KDM7A: variants seen among roughly 807,000 people sequenced by gnomAD.
The protein encoded by KDM7A is lysine demethylase 7A.
KDM7A carries 28 observed loss-of-function variants against 114.8 expected under a neutral mutation model. That is an observed-to-expected ratio of 0.24 (90% CI 0.18 to 0.33). KDM7A has a LOEUF of 0.33. KDM7A is among the 10% of genes least tolerant of loss of function. The probability of loss-of-function intolerance (pLI) is 1.00; values close to 1 mark genes in which losing one functional copy is unlikely to be tolerated. For synonymous variants in KDM7A, 423 were observed against 397.8 expected (o/e 1.06, Z -0.75); for missense variants, 942 against 1,142.5 (o/e 0.82, Z 2.53).
At chr7:140,093,011 C>T (rs1447951466) in intron 18 of KDM7A, among the ~76,000 whole-genome samples, 1 of 152,114 alleles carries the variant, frequency 6.6e-6, no homozygotes, top group African/African-American at 2.4e-5. Context: ...AAAAAACTTG[C>T]TTCTTTTTCT....
At chr7:140,116,938 C>T (rs1302065017) in intron 9 of KDM7A, among the ~76,000 whole-genome samples, 1 of 152,144 alleles carries the variant, frequency 6.6e-6, no homozygotes, top group African/African-American at 2.4e-5. Context: ...TCATTTAACC[C>T]ACCATATAAG....
intron 1 of KDM7A, among the ~76,000 whole-genome samples, chr7:140,139,960 G>A (rs1387635256): frequency 2.6e-5 from 4 of 152,172 alleles, no homozygotes; most frequent in Non-Finnish European, 5.9e-5. Flanking sequence ...TAGAGTGCCT[G>A]AATAGTCCTG....
Position 140,111,106 on chromosome 7 carries a change from GAATTACTTTAGA to G in KDM7A, c.1405_1416del (p.Ser469_Ile472del). 2 of 1,585,408 alleles carry G rather than the reference GAATTACTTTAGA, an allele frequency of 1.3e-6. No individual in the cohort carries two copies. The highest frequency in any genetic ancestry group is 1.7e-6 in the Non-Finnish European group (2 of 1,156,174). On this transcript the variant is annotated inframe_deletion, in exon 11 of 20. Transcript: ENST00000397560. ...GTTTCCACTCTTACCTCTATTGCTC[GAATTACTTTAGA>G]AAGTTCTTTAATAAGGTGTCCAGGT...
chr7:140,106,329 C>T (rs1818337862), intron 11 of KDM7A, among the ~76,000 whole-genome samples: 1 of 152,098 alleles, frequency 6.6e-6, no homozygotes, highest in African/African-American at 2.4e-5. Context: ...CTTCTGCTAG[C>T]TTTTGAATGT....
intron 2 of KDM7A, among the ~76,000 whole-genome samples, chr7:140,134,579 A>G (rs1471770204): frequency 6.6e-6 from 1 of 152,006 alleles, no homozygotes; most frequent in Non-Finnish European, 1.5e-5. Flanking sequence ...TTTAAGCTTG[A>G]AAATTACTCT....
intron 11 of KDM7A, among the ~76,000 whole-genome samples, chr7:140,103,793 C>T (rs1174648379): frequency 5.3e-5 from 8 of 152,136 alleles, no homozygotes; most frequent in African/African-American, 1.9e-4. Flanking sequence ...GTCTTTATAG[C>T]AGCATGACTT....
chr7:140,144,931 T>TA (rs1294567968), intron 1 of KDM7A, among the ~76,000 whole-genome samples: 1 of 152,108 alleles, frequency 6.6e-6, no homozygotes, highest in Non-Finnish European at 1.5e-5. Context: ...TGAGAGCACC[T>TA]ACTCCCCCTT....
At chr7:140,149,723 A>C (rs754650385) in intron 1 of KDM7A, among the ~76,000 whole-genome samples, 12 of 152,230 alleles carry the variant, frequency 7.9e-5, no homozygotes, top group Non-Finnish European at 1.3e-4. Flanking sequence ...GTGATACAGC[A>C]AATAAATATC....
intron 1 of KDM7A, among the ~76,000 whole-genome samples, chr7:140,144,828 G>C (rs1794323386): frequency 6.6e-6 from 1 of 152,106 alleles, no homozygotes; most frequent in Non-Finnish European, 1.5e-5. Context: ...GGAATGTCTT[G>C]TGCTGTCCTA....
chr7:140,169,770 C>A (rs1207001321), intron 1 of KDM7A, among the ~76,000 whole-genome samples: 1 of 152,086 alleles, frequency 6.6e-6, no homozygotes, highest in Non-Finnish European at 1.5e-5. Flanking sequence ...GTGATCCGCC[C>A]GCCTCAGCCT....
At chr7:140,165,225 G>C (rs1794561172) in intron 1 of KDM7A, among the ~76,000 whole-genome samples, 3 of 152,150 alleles carry the variant, frequency 2.0e-5, no homozygotes, top group Admixed American at 2.0e-4. Context: ...CTCAGTGTTT[G>C]TTATTCTATG....
At chr7:140,105,762 C>A (rs1043888916) in intron 11 of KDM7A, among the ~76,000 whole-genome samples, 1 of 151,926 alleles carries the variant, frequency 6.6e-6, no homozygotes, top group Non-Finnish European at 1.5e-5. Context: ...TTTTTTGTTG[C>A]GCCTCTGCCA....
At chr7:140,132,687 T>G (rs1041752737) in intron 3 of KDM7A, among the ~76,000 whole-genome samples, 2 of 152,248 alleles carry the variant, frequency 1.3e-5, no homozygotes, top group African/African-American at 2.4e-5. Flanking sequence ...TATGTGTTCT[T>G]TCTGTCTCTC....
In KDM7A at chr7:140,084,856, C is replaced by A. The variant is rs544814015; in HGVS notation, c.*6238G>T. ...AAAATACACTAAGTGCTAAAAAAAT[C>A]AAAACAGAAGTAATACAATTTTAAT... On this transcript the variant is annotated 3_prime_UTR_variant, in exon 20 of 20. Transcript: ENST00000397560. 2.0e-5 allele frequency: 3 copies of A among 152,072 alleles called. No individual in the cohort carries two copies. In the East Asian group the frequency reaches 5.8e-4, roughly 29 times the overall value. 9.4% of individuals were successfully genotyped at this position (152,072 alleles called of 1,614,324 possible).
rs376952764 is a variant in KDM7A, at chr7:140,121,937, T to C, written c.1052-1408A>G. Among the ~76,000 whole-genome samples the C allele has an allele frequency of 8.5e-5, 13 of 152,330 alleles. No individual in the cohort carries two copies. In the South Asian group the frequency reaches 2.3e-3, roughly 27 times the overall value. On this transcript the variant is annotated intron_variant, in intron 7 of 19. Coordinates refer to ENST00000397560, the MANE Select transcript of KDM7A (RefSeq NM_030647.2). ...TAACAACCTTGGGAAAAGAATTACATTGCCTACAGCAGTGGTTCTCCAAAT... is the reference window on the plus strand; with the variant it reads ...TAACAACCTTGGGAAAAGAATTACACTGCCTACAGCAGTGGTTCTCCAAAT...
At position 140,120,459 on chromosome 7, in the gene KDM7A, G is replaced by A; in HGVS notation, c.1122C>T (p.Asn374=). Residue 374 remains asparagine (N), a synonymous_variant, in exon 8 of 20, where the codon AAC becomes AAT. Transcript: ENST00000397560. ...ACACAAACCTGAGCTGCATGCCAAT[G>A]TTAAGGTTGTGCAGGAAGTTCCCCC... ...AFGGNFLHNL[N]IGMQLRCYEM... 1 of 1,609,714 alleles carries A rather than the reference G, an allele frequency of 6.2e-7. No individual in the cohort carries two copies. Among genetic ancestry groups the A allele is most frequent in the Non-Finnish European group, 8.5e-7 (1 of 1,176,148 alleles).
rs1817989692 is a variant in KDM7A, at chr7:140,089,723, G to A, written c.*1371C>T. 6.6e-6 allele frequency: 1 copy of A among 152,094 alleles called. No homozygotes were observed. The highest frequency in any genetic ancestry group is 6.5e-5 in the Admixed American group (1 of 15,274). 9.4% of individuals were successfully genotyped at this position (152,094 alleles called of 1,614,324 possible). On this transcript the variant is annotated 3_prime_UTR_variant, in exon 20 of 20. Transcript: ENST00000397560. The stretch of plus-strand genomic sequence containing the variant: ...TTTAGTAAAAATCATACATAAAGGA[G>A]ATAAATGAATACCTTAAAGTTTAAC...
intron 18 of KDM7A, 71 bp from the exon 19 acceptor site, chr7:140,092,148 T>A (rs1431236405): frequency 7.0e-7 from 1 of 1,425,256 alleles, no homozygotes; most frequent in African/African-American, 1.4e-5. Context: ...CTCTATGCAT[T>A]GGCAAAGTCA....
intron 3 of KDM7A, among the ~76,000 whole-genome samples, chr7:140,132,024 T>C (rs559357285): frequency 6.6e-6 from 1 of 152,228 alleles, no homozygotes; most frequent in African/African-American, 2.4e-5. Flanking sequence ...AAGAATATTA[T>C]GTATATCCAT....
Sources: gnomAD v4.1 joint callset for allele counts (sites outside exome capture counted in the v4.1 genomes callset) on GRCh38, gnomAD v4.1.1 for gene constraint, MANE v1.5 for transcripts, NCBI Gene and HGNC (gene_info 2026-07-23, HGNC 2026-07-21) for gene names.